Variants in TANGO6 observed in about 807,000 individuals in gnomAD.
TANGO6 encodes transport and golgi organization 6 homolog, also known as transport and Golgi organization protein 6 homolog.
In TANGO6, 90 loss-of-function variants were observed where a neutral mutation model predicts 114.2. The ratio of observed to expected loss-of-function variants is 0.79; its 90% CI spans 0.66 to 0.94. TANGO6 has a LOEUF of 0.94. Ranked by LOEUF, TANGO6 falls within the 40% of genes least tolerant of loss-of-function variation. The probability of loss-of-function intolerance (pLI) is 0.00; values close to 1 mark genes in which losing one functional copy is unlikely to be tolerated. For missense variants in TANGO6, 1,274 were observed against 1,315.3 expected (o/e 0.97, Z 0.49); for synonymous variants, 477 against 509.8 (o/e 0.94, Z 0.87).
chr16:69,057,900 C>T (rs1960057819), intron 17 of TANGO6, among the ~76,000 whole-genome samples: 1 of 152,162 alleles, frequency 6.6e-6, no homozygotes, highest in African/African-American at 2.4e-5. Context: ...GCCAAAAGCA[C>T]AGTCCAACCA....
At chr16:68,874,112 C>G (rs1418042820) in intron 4 of TANGO6, among the ~76,000 whole-genome samples, 1 of 152,224 alleles carries the variant, frequency 6.6e-6, no homozygotes. Flanking sequence ...ATTTTCCTCA[C>G]ACATACGTGT....
At chr16:68,882,670 T>C (rs1225162620) in intron 7 of TANGO6, among the ~76,000 whole-genome samples, 1 of 152,112 alleles carries the variant, frequency 6.6e-6, no homozygotes, top group East Asian at 1.9e-4. Flanking sequence ...GAAGTGTATA[T>C]TTAAAATAAA....
intron 14 of TANGO6, among the ~76,000 whole-genome samples, chr16:68,971,436 A>AT (rs1440183754): frequency 6.6e-6 from 1 of 151,848 alleles, no homozygotes; most frequent in South Asian, 2.1e-4. Context: ...CACCTGGCTA[A>AT]TTTTTTTAAA....
At chr16:68,910,244 T>G (rs181630607) in intron 11 of TANGO6, among the ~76,000 whole-genome samples, 2 of 152,342 alleles carry the variant, frequency 1.3e-5, no homozygotes, top group Admixed American at 1.3e-4. Context: ...CTATAGCTCC[T>G]GCTGAGAAAA....
At chr16:68,867,291 G>A in intron 4 of TANGO6, 71 bp downstream of exon 4, 2 of 1,588,518 alleles carry the variant, frequency 1.3e-6, no homozygotes, top group Non-Finnish European at 1.7e-6. Context: ...GTGAATTATT[G>A]GTCTTTAGTA....
At chr16:68,848,780 T>C (rs1185548875) in intron 1 of TANGO6, among the ~76,000 whole-genome samples, 8 of 152,154 alleles carry the variant, frequency 5.3e-5, no homozygotes, top group Admixed American at 6.5e-5. Context: ...TTATGAATCA[T>C]AGATTTTATG....
At chr16:69,004,153 A>G (rs1048841302) in intron 15 of TANGO6, among the ~76,000 whole-genome samples, 3 of 152,250 alleles carry the variant, frequency 2.0e-5, no homozygotes, top group East Asian at 3.9e-4. Flanking sequence ...TACTTAATTT[A>G]TGAGTGCTCT....
At chr16:69,056,997 C>CTTTTTTTTTTT (rs71148961) in intron 17 of TANGO6, among the ~76,000 whole-genome samples, 2 of 59,822 alleles carry the variant, frequency 3.3e-5, no homozygotes, top group African/African-American at 6.8e-5. Context: ...GCCTGATTTT[C>CTTTTTTTTTTT]TTTTTTTTTT....
intron 14 of TANGO6, among the ~76,000 whole-genome samples, chr16:68,955,501 C>G (rs1963520233): frequency 1.3e-5 from 2 of 152,214 alleles, no homozygotes; most frequent in African/African-American, 2.4e-5. Flanking sequence ...TGATCTTTCA[C>G]TCATACTTAT....
At chr16:68,880,419 G>A (rs1292529060) in intron 6 of TANGO6, 129 bp from the exon 7 acceptor site, 7 of 568,028 alleles carry the variant, frequency 1.2e-5, no homozygotes, top group African/African-American at 3.8e-5. Flanking sequence ...ATTGTTCAAT[G>A]ATAACCATTT....
At chr16:68,924,332 G>A (rs147701123) in intron 12 of TANGO6, among the ~76,000 whole-genome samples, 3,134 of 152,328 alleles carry the variant, frequency 0.021, 112 homozygotes, top group African/African-American at 0.072. Context: ...GGAGGCCGAG[G>A]CAGGAGGATC....
At chr16:68,869,582 C>G (rs1962234668) in intron 4 of TANGO6, among the ~76,000 whole-genome samples, 1 of 152,184 alleles carries the variant, frequency 6.6e-6, no homozygotes, top group Non-Finnish European at 1.5e-5. Flanking sequence ...TCCTGGTTAC[C>G]TTCTACTCAG....
intron 17 of TANGO6, among the ~76,000 whole-genome samples, chr16:69,072,433 T>C (rs1960311895): frequency 6.6e-6 from 1 of 152,046 alleles, no homozygotes; most frequent in Admixed American, 6.6e-5. Context: ...GCTGAACTCA[T>C]AATGAGAGGT....
At chr16:68,994,873 C>T (rs556772726) in intron 15 of TANGO6, among the ~76,000 whole-genome samples, 50 of 151,988 alleles carry the variant, frequency 3.3e-4, no homozygotes, top group Non-Finnish European at 4.1e-4. Context: ...GAATAAGCCA[C>T]GGCACCCAGC....
Position 69,083,509 on chromosome 16 carries a change from C to G in TANGO6, c.3133C>G (p.Leu1045Val), listed in dbSNP as rs201263632. ...GGTGCTGAGCGCCGTCCTCAAGGAT[C>G]TCTACCACCTGCTGAAGCACGTAGT... ...TEVLSAVLKD[L>V]YHLLKHVVCL... The change falls in exon 18 of 18, where the codon CTC (leucine) becomes GTC (valine). Residue 1045 changes from leucine to valine, a missense_variant. By Grantham distance (32) the Leu-to-Val change is conservative. Around this residue, in one of 5 missense-constraint regions of TANGO6, gnomAD observed 238 missense variants for 252.9 expected, o/e 0.94. Transcript: ENST00000261778. 6.2e-7 allele frequency: 1 copy of G among 1,612,156 alleles called. No homozygotes were observed. The highest frequency in any genetic ancestry group is 8.5e-7 in the Non-Finnish European group (1 of 1,179,202).
rs1597007170 is a variant in TANGO6 at position 68,890,607 on chromosome 16, G to T, written c.1378-9827G>T. Among the ~76,000 whole-genome samples the T allele has an allele frequency of 2.0e-5, 3 of 152,260 alleles. No homozygotes were observed. In the South Asian group the frequency reaches 6.2e-4, roughly 31 times the overall value. The stretch of plus-strand genomic sequence containing the variant: ...AATGAGAAATGGGGCATGTGGCCGG[G>T]TGTGGTGGCTCACGCCTATAATCCC... On this transcript the variant is annotated intron_variant, in intron 7 of 17. Transcript: ENST00000261778.
chr16:68,928,869 C>G (rs1963204681), intron 13 of TANGO6, among the ~76,000 whole-genome samples: 1 of 152,156 alleles, frequency 6.6e-6, no homozygotes, highest in Non-Finnish European at 1.5e-5. Context: ...AACTGGGTCT[C>G]CTCCCCTCTT....
intron 17 of TANGO6, among the ~76,000 whole-genome samples, chr16:69,076,642 C>T (rs974827572): frequency 2.0e-5 from 3 of 152,148 alleles, no homozygotes; most frequent in Non-Finnish European, 4.4e-5. Flanking sequence ...TGAAAAGTGT[C>T]GCCTCTCCAA....
chr16:69,067,850 T>C (rs893782671), intron 17 of TANGO6, among the ~76,000 whole-genome samples: 3 of 150,720 alleles, frequency 2.0e-5, no homozygotes, highest in African/African-American at 7.3e-5. Context: ...GGCAGGAGAA[T>C]TGCTTGAACC....
Sources: allele counts gnomAD v4.1 joint callset (sites outside exome capture counted in the v4.1 genomes callset), GRCh38; gene constraint gnomAD v4.1.1; regional missense constraint gnomAD v4.1.1; transcripts MANE v1.5; gene names NCBI Gene and HGNC (gene_info 2026-07-23, HGNC 2026-07-21).